PAX2: variants seen among roughly 807,000 people sequenced by gnomAD.
PAX2 encodes the protein paired box protein Pax-2.
A neutral mutation model predicts 41.7 loss-of-function variants in PAX2; 9 were observed. The observed-to-expected ratio is 0.22, with a 90% CI of 0.13 to 0.38. The LOEUF (loss-of-function observed/expected upper bound fraction) is 0.38, where lower values mean the gene tolerates loss of function less well. PAX2 is among the 10% of genes least tolerant of loss of function. PAX2 has a pLI of 1.00. For missense variants in PAX2, 418 were observed against 531.6 expected (o/e 0.79, Z 2.10); for synonymous variants, 221 against 212.7 (o/e 1.04, Z -0.34).
At chr10:100,768,690 A>G (rs1372714935) in intron 3 of PAX2, among the ~76,000 whole-genome samples, 2 of 152,226 alleles carry the variant, frequency 1.3e-5, no homozygotes, top group Non-Finnish European at 2.9e-5. Context: ...TCCCAAAAAG[A>G]TCAACTGATT....
At chr10:100,792,755 C>A (rs1277296541) in intron 5 of PAX2, among the ~76,000 whole-genome samples, 1 of 148,132 alleles carries the variant, frequency 6.8e-6, no homozygotes, top group Non-Finnish European at 1.5e-5. Context: ...CTCCACACAT[C>A]TTTATTGGTT....
At chr10:100,754,958 G>A (rs896941315) in intron 3 of PAX2, among the ~76,000 whole-genome samples, 6 of 152,294 alleles carry the variant, frequency 3.9e-5, no homozygotes, top group South Asian at 2.1e-4. Flanking sequence ...TATCCACAGA[G>A]GAATGGCAGA....
chr10:100,746,535 T>C (rs1845182211), intron 1 of PAX2, among the ~76,000 whole-genome samples: 1 of 152,140 alleles, frequency 6.6e-6, no homozygotes, highest in East Asian at 1.9e-4. Context: ...CTTCCTACCT[T>C]CCCTGATCCC....
chr10:100,737,548 G>T (rs1192832917), intron 1 of PAX2, among the ~76,000 whole-genome samples: 2 of 152,246 alleles, frequency 1.3e-5, no homozygotes, highest in South Asian at 2.1e-4. Flanking sequence ...AGGCGGGGGG[G>T]AGCTGCGGAG....
intron 5 of PAX2, among the ~76,000 whole-genome samples, chr10:100,782,920 C>T (rs1203616556): frequency 6.6e-6 from 1 of 152,250 alleles, no homozygotes; most frequent in East Asian, 1.9e-4. Flanking sequence ...CCTTAACCAG[C>T]AGCCCCTGTG....
chr10:100,764,682 G>C (rs1289149793), intron 3 of PAX2, among the ~76,000 whole-genome samples: 9 of 143,630 alleles, frequency 6.3e-5, no homozygotes, highest in Non-Finnish European at 1.0e-4. Context: ...CCTTGTGGCT[G>C]TGTGTGTGTG....
In PAX2 at chr10:100,827,175, C is replaced by A; in HGVS notation, c.1108+80C>A. 2 of 1,154,752 alleles carry A rather than the reference C, an allele frequency of 1.7e-6. No individual in the cohort carries two copies. Among genetic ancestry groups the A allele is most frequent in the Non-Finnish European group, 2.6e-6 (2 of 772,322 alleles). 71.5% of individuals were successfully genotyped at this position (1,154,752 alleles called of 1,614,324 possible). On this transcript the variant is annotated intron_variant, in intron 9 of 9. Coordinates refer to ENST00000355243, the MANE Select transcript of PAX2 (RefSeq NM_000278.5). This position sits in a 1 kb window ranked among gnomAD's most constrained non-coding sequence, Gnocchi z 8.5. ...CACGGTCCCACTCCCGGCGACCCGACCTCTGGGGACCCGGCCGGGCCAGGG... is the reference window on the plus strand; with the variant it reads ...CACGGTCCCACTCCCGGCGACCCGAACTCTGGGGACCCGGCCGGGCCAGGG...
intron 5 of PAX2, among the ~76,000 whole-genome samples, chr10:100,803,492 T>C (rs563746416): frequency 6.6e-6 from 1 of 152,116 alleles, no homozygotes; most frequent in Admixed American, 6.5e-5. Flanking sequence ...ATGGTACGTG[T>C]GGTGTATTTG....
intron 5 of PAX2, among the ~76,000 whole-genome samples, chr10:100,793,213 A>G (rs1589862862): frequency 6.6e-6 from 1 of 152,354 alleles, no homozygotes; most frequent in Admixed American, 6.5e-5. Flanking sequence ...CTAGGGTCCC[A>G]GGAGCTAGAC....
chr10:100,808,306 C>A (rs1032223158), intron 6 of PAX2, among the ~76,000 whole-genome samples: 3 of 152,032 alleles, frequency 2.0e-5, no homozygotes, highest in African/African-American at 7.3e-5. Flanking sequence ...ACGAGGCAAT[C>A]CCGTCCAGCC....
intron 1 of PAX2, chr10:100,749,283 C>T (rs2133831938): frequency 6.0e-6 from 6 of 997,748 alleles, no homozygotes; most frequent in East Asian, 2.1e-4. Flanking sequence ...AGCCTCGACG[C>T]CCCCAAATCG....
intron 5 of PAX2, among the ~76,000 whole-genome samples, chr10:100,790,186 C>T (rs1847049130): frequency 6.6e-6 from 1 of 152,100 alleles, no homozygotes; most frequent in Non-Finnish European, 1.5e-5. Flanking sequence ...TCATACAATG[C>T]CAGAAATTCA....
chr10:100,762,530 T>G (rs2133861261), intron 3 of PAX2, among the ~76,000 whole-genome samples: 1 of 152,276 alleles, frequency 6.6e-6, no homozygotes, highest in Admixed American at 6.5e-5. Flanking sequence ...TGGAACAATC[T>G]AAATTTCCTA....
chr10:100,776,222 G>T (rs963104373), intron 3 of PAX2, among the ~76,000 whole-genome samples: 2 of 152,132 alleles, frequency 1.3e-5, no homozygotes, highest in Admixed American at 1.3e-4. Flanking sequence ...TGAGGCAATA[G>T]TCTCCGTTTA....
At chr10:100,747,982 G>A (rs1220289250) in intron 1 of PAX2, 1 of 983,886 alleles carries the variant, frequency 1.0e-6, no homozygotes. Context: ...AGGTCGGAGG[G>A]AGAGAGCCGC....
rs548854602 is a variant in PAX2 at position 100,748,685 on chromosome 10, G to A, written c.44-1061G>A. ...CCCTCAGGCCTGGCACCCAGTGGCC[G>A]CCTCGGTTCCGAGATCGGGAGCCCG... On this transcript the variant is annotated intron_variant, in intron 1 of 9. Transcript: ENST00000355243. The surrounding 1 kb of genome is among the most constrained non-coding windows in gnomAD (Gnocchi z 5.0). 3 of 985,450 alleles carry A rather than the reference G, an allele frequency of 3.0e-6. No homozygotes were observed. In the East Asian group the frequency reaches 3.4e-4, roughly 112 times the overall value. The allele number at this position is 985,450 out of a possible 1,614,324, so 61.0% of individuals were successfully genotyped here.
Position 100,791,213 on chromosome 10 carries a change from A to G in PAX2, c.616+9848A>G, listed in dbSNP as rs935835226. Reference sequence around the variant, plus strand: ...CTTTGTGCTCATCTCTACTGGAGACAAGTGTGTGGGCATCTCCTGGGGGCC... The same window carrying G: ...CTTTGTGCTCATCTCTACTGGAGACGAGTGTGTGGGCATCTCCTGGGGGCC... On this transcript the variant is annotated intron_variant, in intron 5 of 9. Transcript: ENST00000355243. The surrounding 1 kb of genome is among the most constrained non-coding windows in gnomAD (Gnocchi z 4.5). Among the ~76,000 whole-genome samples, 14 of 152,128 alleles carry G rather than the reference A, an allele frequency of 9.2e-5. No homozygotes were observed. Among genetic ancestry groups the G allele is most frequent in the African/African-American group, 2.9e-4 (12 of 41,410 alleles).
intron 6 of PAX2, 125 bp from the exon 7 acceptor site, chr10:100,808,985 C>T (rs981497801): frequency 1.1e-6 from 1 of 891,596 alleles, no homozygotes. Flanking sequence ...CATCTCCCCT[C>T]TGCCCCACCA....
chr10:100,772,244 C>T (rs1353134404), intron 3 of PAX2, among the ~76,000 whole-genome samples: 1 of 152,104 alleles, frequency 6.6e-6, no homozygotes, highest in African/African-American at 2.4e-5. Context: ...CCACTGCAAT[C>T]GTGGGTTTGA....
Sources: allele counts gnomAD v4.1 joint callset (sites outside exome capture counted in the v4.1 genomes callset), GRCh38; gene constraint gnomAD v4.1.1; non-coding constraint Gnocchi (gnomAD v3.1); transcripts MANE v1.5; gene names NCBI Gene and HGNC (gene_info 2026-07-23, HGNC 2026-07-21).